The following YJEFN3 variants were observed in gnomAD, a reference collection of about 807,000 sequenced individuals.
YJEFN3 encodes yjeF N-terminal domain-containing protein 3.
A neutral mutation model predicts 31.5 loss-of-function variants in YJEFN3; 29 were observed. That is an observed-to-expected ratio of 0.92 (90% CI 0.69 to 1.26). YJEFN3 has a LOEUF of 1.26. Among genes scored for constraint, YJEFN3 ranks in the 50% most tolerant of loss-of-function variants. The probability of loss-of-function intolerance (pLI) is 0.00; values close to 1 mark genes in which losing one functional copy is unlikely to be tolerated. For missense variants in YJEFN3, 442 were observed against 425.4 expected (o/e 1.04, Z -0.34); for synonymous variants, 227 against 196.1 (o/e 1.16, Z -1.32).
At chr19:19,531,468 T>C (rs1181048286) in intron 2 of YJEFN3, among the ~76,000 whole-genome samples, 3 of 152,168 alleles carry the variant, frequency 2.0e-5, no homozygotes, top group African/African-American at 7.2e-5. Context: ...CAGGCTAGAG[T>C]GCAGTGGCGT....
At position 19,535,073 on chromosome 19, in the gene YJEFN3, G is replaced by A; in HGVS notation, c.358G>A (p.Val120Met). 1.2e-6 allele frequency: 2 copies of A among 1,611,714 alleles called. No individual in the cohort carries two copies. Among genetic ancestry groups the A allele is most frequent in the Non-Finnish European group, 1.7e-6 (2 of 1,178,910 alleles). Residue 120 changes from valine (V) to methionine (M), a missense_variant, in exon 4 of 7, where the codon GTG (valine) becomes ATG (methionine). Val to Met is a conservative substitution (Grantham distance 21). Coordinates refer to ENST00000514277, the MANE Select transcript of YJEFN3 (RefSeq NM_198537.4). ...CGCTCTCTCCCGGAAGCAGAGGACG[G>A]TGCTGGTCGTGTGTGGCCCGGAGCA... The part of the protein sequence containing the change: ...LPALSRKQRT[V>M]LVVCGPEQNG...
rs764387353 is a variant in YJEFN3, at chr19:19,534,666, A to G, written c.319-368A>G. ...GGCTAAGGTTGGGCTCCCCTACTCCACAGCCTCCAGGAGGGGCTGAGGTCT... is the reference window on the plus strand; with the variant it reads ...GGCTAAGGTTGGGCTCCCCTACTCCGCAGCCTCCAGGAGGGGCTGAGGTCT... On this transcript the variant is annotated intron_variant, in intron 3 of 6. Coordinates refer to ENST00000514277, the MANE Select transcript of YJEFN3 (RefSeq NM_198537.4). This position sits in a 1 kb window ranked among gnomAD's most constrained non-coding sequence, Gnocchi z 4.6. 5.7e-6 allele frequency: 1 copy of G among 175,844 alleles called. No homozygotes were observed. The highest frequency in any genetic ancestry group is 1.2e-5 in the Non-Finnish European group (1 of 83,786). 10.9% of individuals were successfully genotyped at this position (175,844 alleles called of 1,614,324 possible).
chr19:19,531,347 T>C (rs1013058008), intron 2 of YJEFN3, among the ~76,000 whole-genome samples: 1 of 152,232 alleles, frequency 6.6e-6, no homozygotes. Context: ...GGCAAGCCAC[T>C]CGGCTTCTCT....
chr19:19,529,175 T>C, intron 1 of YJEFN3, 184 bp downstream of exon 1: 1 of 1,451,416 alleles, frequency 6.9e-7, no homozygotes, highest in Non-Finnish European at 9.1e-7. Flanking sequence ...GGCAGGGATA[T>C]GGCCAAGACG....
At chr19:19,533,754 G>C (rs551513379) in intron 3 of YJEFN3, 8 of 985,264 alleles carry the variant, frequency 8.1e-6, no homozygotes, top group Middle Eastern at 5.2e-4. Context: ...CGGGTGAGGC[G>C]CCCAAAGGAG....
In YJEFN3 at chr19:19,537,402, G is replaced by C; in HGVS notation, c.778G>C (p.Ala260Pro). ...GTCTCTCGCGGCGCCCAAGCGCTGC[G>C]CTGGCCGCTTCTCCGGGCGCCACCA... ...LVSLAAPKRC[A>P]GRFSGRHHFV... The change falls in exon 7 of 7, where the codon GCT becomes CCT. Residue 260 changes from alanine to proline, a missense_variant. Ala to Pro is a conservative substitution (Grantham distance 27, BLOSUM62 -1). Transcript: ENST00000514277. 6.3e-7 allele frequency: 1 copy of C among 1,590,018 alleles called. No individual in the cohort carries two copies. Among genetic ancestry groups the C allele is most frequent in the Non-Finnish European group, 8.5e-7 (1 of 1,174,718 alleles).
Position 19,537,421 on chromosome 19 carries a change from G to A in YJEFN3, c.797G>A (p.Arg266His), listed in dbSNP as rs1349522104. Residue 266 changes from arginine to histidine, a missense_variant, in exon 7 of 7, where the codon CGC becomes CAC. Physicochemically the swap from Arg to His is conservative, Grantham distance 29. Transcript: ENST00000514277. ...PKRCAGRFSG[R>H]HHFVAGRFVP... is the part of the protein sequence containing the mutation. ...CGCTGCGCTGGCCGCTTCTCCGGGC[G>A]CCACCACTTCGTGGCCGGCAGGTTC... 3 of 1,590,830 alleles carry A rather than the reference G, an allele frequency of 1.9e-6. No individual in the cohort carries two copies. The highest frequency in any genetic ancestry group is 2.6e-6 in the Non-Finnish European group (3 of 1,174,568).
intron 2 of YJEFN3, among the ~76,000 whole-genome samples, chr19:19,530,570 G>A (rs1400382396): frequency 6.6e-6 from 1 of 152,162 alleles, no homozygotes; most frequent in Non-Finnish European, 1.5e-5. Context: ...CTTCCTCCCT[G>A]CACCCTCCTG....
intron 4 of YJEFN3, 83 bp downstream of exon 4, chr19:19,535,227 G>C: frequency 6.6e-7 from 1 of 1,509,228 alleles, no homozygotes; most frequent in South Asian, 1.2e-5. Context: ...TTCCCAGGGG[G>C]ACATTGACGC....
At chr19:19,532,882 G>A in intron 3 of YJEFN3, 142 bp downstream of exon 3, 1 of 1,093,152 alleles carries the variant, frequency 9.1e-7, no homozygotes, top group Non-Finnish European at 1.3e-6. Context: ...GGTAAACTGA[G>A]GCCCAGAGAG....
intron 6 of YJEFN3, chr19:19,535,909 C>A: frequency 1.6e-6 from 1 of 641,506 alleles, no homozygotes; most frequent in African/African-American, 1.8e-5. Flanking sequence ...GCCCAGCCCA[C>A]ATGCCCTCTG....
intron 2 of YJEFN3, among the ~76,000 whole-genome samples, chr19:19,529,835 G>A (rs1313590451): frequency 6.6e-6 from 1 of 152,206 alleles, no homozygotes; most frequent in Admixed American, 6.5e-5. Context: ...TGGGGAACTG[G>A]CTGACGAGGC....
intron 1 of YJEFN3, 50 bp from the exon 2 acceptor site, chr19:19,529,313 TC>T: frequency 6.4e-7 from 1 of 1,564,956 alleles, no homozygotes; most frequent in Non-Finnish European, 8.6e-7. Context: ...CGCTGGTCGC[TC>T]CCCCACCGAA....
rs756591283 is a variant in YJEFN3 at position 19,529,404 on chromosome 19, G to T, written c.100G>T (p.Ala34Ser). 20 of 1,614,058 alleles carry T rather than the reference G, an allele frequency of 1.2e-5. No homozygotes were observed. Among genetic ancestry groups the T allele is most frequent in the Non-Finnish European group, 1.6e-5 (19 of 1,179,980 alleles). Residue 34 changes from alanine to serine, a missense_variant, in exon 2 of 7, where the codon GCG (alanine) becomes TCG (serine). By Grantham distance (99) the Ala-to-Ser change is moderately conservative (BLOSUM62 1). Transcript: ENST00000514277. The stretch of plus-strand genomic sequence containing the variant: ...GCCCCCACTTGCCGACATGGGAAGA[G>T]CGGAGCTTAGCTCAAATGCTACCAC... ...LQPPLADMGR[A>S]ELSSNATTSL...
At chr19:19,533,953 C>G (rs942625466) in intron 3 of YJEFN3, 1 of 985,408 alleles carries the variant, frequency 1.0e-6, no homozygotes, top group African/African-American at 1.7e-5. Context: ...GTCAGGACTG[C>G]GCTAAGCCTT....
In YJEFN3 at chr19:19,529,399, G is replaced by A. The variant is rs768044810; in HGVS notation, c.95G>A (p.Gly32Glu). 8.1e-6 allele frequency: 13 copies of A among 1,613,810 alleles called. No individual in the cohort carries two copies. In the East Asian group the frequency reaches 8.9e-5, roughly 11 times the overall value. ...CTGCAGCCCCCACTTGCCGACATGG[G>A]AAGAGCGGAGCTTAGCTCAAATGCT... ...LELQPPLADM[G>E]RAELSSNATT... is the part of the protein sequence containing the mutation. Residue 32 changes from glycine to glutamate, a missense_variant, in exon 2 of 7, where the codon GGA becomes GAA. By Grantham distance (98) the Gly-to-Glu change is moderately conservative. Coordinates refer to ENST00000514277, the MANE Select transcript of YJEFN3 (RefSeq NM_198537.4).
Position 19,537,360 on chromosome 19 carries a change from C to T in YJEFN3, c.736C>T (p.Arg246Trp), listed in dbSNP as rs754903798. 13 of 1,595,394 alleles carry T rather than the reference C, an allele frequency of 8.1e-6. No individual in the cohort carries two copies. The highest frequency in any genetic ancestry group is 7.8e-5 in the South Asian group (7 of 90,204). Residue 246 changes from arginine to tryptophan, a missense_variant, in exon 7 of 7, where the codon CGG becomes TGG. Transcript: ENST00000514277. ...ETGSDSEDGL[R>W]PDVLVSLAAP... ...CGGCAGCGATTCGGAGGACGGGCTG[C>T]GGCCTGACGTGCTGGTGTCTCTCGC...
At chr19:19,537,117 G>T (rs538780967) in intron 6 of YJEFN3, among the ~76,000 whole-genome samples, 1 of 151,028 alleles carries the variant, frequency 6.6e-6, no homozygotes, top group Non-Finnish European at 1.5e-5. Flanking sequence ...GGGGCGACAA[G>T]TCTCACCAGG....
At chr19:19,535,205 T>C (rs2061195979) in intron 4 of YJEFN3, 61 bp downstream of exon 4, 1 of 1,526,302 alleles carries the variant, frequency 6.6e-7, no homozygotes, top group Non-Finnish European at 8.9e-7. Flanking sequence ...ATCACTGCCT[T>C]CTTTTGATAG....
Sources: allele counts gnomAD v4.1 joint callset (sites outside exome capture counted in the v4.1 genomes callset), GRCh38; gene constraint gnomAD v4.1.1; non-coding constraint Gnocchi (gnomAD v3.1); transcripts MANE v1.5; gene names NCBI Gene and HGNC (gene_info 2026-07-23, HGNC 2026-07-21).